Variants in ACTN1 observed in about 807,000 individuals in gnomAD.
The protein encoded by ACTN1 is actinin alpha 1.
In ACTN1, 30 loss-of-function variants were observed where a neutral mutation model predicts 119.6. That is an observed-to-expected ratio of 0.25 (90% CI 0.19 to 0.34). ACTN1 has a LOEUF of 0.34. ACTN1 is among the 10% of genes least tolerant of loss of function. The pLI is 1.00. For synonymous variants in ACTN1, 429 were observed against 472.6 expected, an observed-to-expected ratio of 0.91 and a Z score of 1.20; for missense variants, 764 against 1,223.4, an observed-to-expected ratio of 0.62 and a Z score of 5.60.
At chr14:68,928,175 G>A (rs942074821) in intron 1 of ACTN1, among the ~76,000 whole-genome samples, 1 of 152,192 alleles carries the variant, frequency 6.6e-6, no homozygotes, top group Admixed American at 6.5e-5. Flanking sequence ...AGGGGGTTGG[G>A]ATGAGATAAA....
intron 1 of ACTN1, among the ~76,000 whole-genome samples, chr14:68,943,320 C>G (rs2035826910): frequency 6.6e-6 from 1 of 152,222 alleles, no homozygotes; most frequent in South Asian, 2.1e-4. Context: ...GCAAGCAGAT[C>G]TGTCCACCTC....
At chr14:68,911,054 G>C (rs2033978395) in intron 4 of ACTN1, among the ~76,000 whole-genome samples, 1 of 152,180 alleles carries the variant, frequency 6.6e-6, no homozygotes, top group African/African-American at 2.4e-5. Flanking sequence ...CTGTGAATTG[G>C]AGGTTAAGGT....
intron 1 of ACTN1, chr14:68,974,107 G>GA (rs1185483822): frequency 6.5e-6 from 1 of 152,738 alleles, no homozygotes; most frequent in East Asian, 1.9e-4. Context: ...CCAAGTCCAG[G>GA]AAAACCACAG....
chr14:68,928,654 CT>C (rs1400205087), intron 1 of ACTN1, among the ~76,000 whole-genome samples: 2 of 152,160 alleles, frequency 1.3e-5, no homozygotes, highest in African/African-American at 2.4e-5. Context: ...AAAAGATTAA[CT>C]CAAAAACATC....
intron 11 of ACTN1, chr14:68,887,716 AT>A (rs2032134399): frequency 7.2e-7 from 1 of 1,384,474 alleles, no homozygotes; most frequent in South Asian, 1.2e-5. Context: ...AAAATAGTTG[AT>A]AAAAAATATT....
intron 1 of ACTN1, among the ~76,000 whole-genome samples, chr14:68,944,789 G>A (rs1394461107): frequency 3.3e-5 from 5 of 152,102 alleles, no homozygotes; most frequent in Non-Finnish European, 4.4e-5. Flanking sequence ...TCCAAACCAA[G>A]GCACCAGGGG....
intron 1 of ACTN1, among the ~76,000 whole-genome samples, chr14:68,935,209 A>C (rs2140454090): frequency 6.6e-6 from 1 of 151,068 alleles, no homozygotes. Context: ...TTTTTAGTAG[A>C]GATGGGGTTT....
intron 6 of ACTN1, among the ~76,000 whole-genome samples, chr14:68,905,151 T>C (rs954530520): frequency 6.6e-6 from 1 of 152,100 alleles, no homozygotes; most frequent in African/African-American, 2.4e-5. Context: ...ACTCAAGAGT[T>C]GGGGTAGGGA....
chr14:68,959,202 A>G (rs1340515280), intron 1 of ACTN1, among the ~76,000 whole-genome samples: 1 of 152,186 alleles, frequency 6.6e-6, no homozygotes, highest in African/African-American at 2.4e-5. Flanking sequence ...AGAGTATCTC[A>G]AAGGACTTGT....
At chr14:68,944,292 G>C (rs2035859052) in intron 1 of ACTN1, among the ~76,000 whole-genome samples, 1 of 152,268 alleles carries the variant, frequency 6.6e-6, no homozygotes, top group Admixed American at 6.5e-5. Flanking sequence ...ATGTGTGCCA[G>C]AGTGTGGGCA....
At chr14:68,935,511 G>A (rs1213441472) in intron 1 of ACTN1, among the ~76,000 whole-genome samples, 2 of 149,224 alleles carry the variant, frequency 1.3e-5, no homozygotes, top group East Asian at 4.0e-4. Flanking sequence ...TCAGCCTCCT[G>A]AGTTGCTGGG....
In ACTN1 at chr14:68,874,988, G is replaced by T. The variant is rs2030704497; in HGVS notation, c.2616C>A (p.Arg872=). Residue 872 remains arginine, a synonymous_variant, in exon 22 of 22, where the codon CGC becomes CGA. Coordinates refer to ENST00000394419, the MANE Select transcript of ACTN1 (RefSeq NM_001130004.2). Reference sequence around the variant, plus strand: ...ACTCAGCCTGGTCGGGTGGCAGCTCGCGGCGCAGCTCGTCCATGGTAATGT... The same window carrying T: ...ACTCAGCCTGGTCGGGTGGCAGCTCTCGGCGCAGCTCGTCCATGGTAATGT... ...KNYITMDELR[R]ELPPDQAEYC... The T allele has an allele frequency of 1.2e-6, 2 of 1,613,692 alleles. No individual in the cohort carries two copies. The highest frequency in any genetic ancestry group is 4.5e-5 in the East Asian group (2 of 44,876).
At chr14:68,904,593 T>C in intron 7 of ACTN1, 62 bp downstream of exon 7, 1 of 1,520,550 alleles carries the variant, frequency 6.6e-7, no homozygotes, top group Non-Finnish European at 9.1e-7. Context: ...GTCCACCCCT[T>C]CTTAGCCGCT....
chr14:68,918,173 A>ACAG (rs200809636), intron 3 of ACTN1, among the ~76,000 whole-genome samples: 3,365 of 152,348 alleles, frequency 0.022, 46 homozygotes, highest in Middle Eastern at 0.085. Flanking sequence ...CCTTCCCAGC[A>ACAG]CAGCAGCAGC....
Position 68,925,419 on chromosome 14 carries a change from T to C in ACTN1, c.220+139A>G, listed in dbSNP as rs2034873841. On this transcript the variant is annotated intron_variant, in intron 2 of 21. Transcript: ENST00000394419. This position sits in a 1 kb window ranked among gnomAD's most constrained non-coding sequence, Gnocchi z 4.3. ...GCAGAACCAGAACTCAGACCCACGC[T>C]CCTAGGATGAATTCATACATGTCAT... 1 of 422,724 alleles carries C rather than the reference T, an allele frequency of 2.4e-6. No homozygotes were observed. Among genetic ancestry groups the C allele is most frequent in the South Asian group, 3.5e-5 (1 of 28,704 alleles). 26.2% of individuals were successfully genotyped at this position (422,724 alleles called of 1,614,324 possible). A position where few individuals can be genotyped will look rare whatever the true frequency, so the allele number is the denominator to read the frequency against.
chr14:68,936,500 C>CTTT, intron 1 of ACTN1: 11 of 249,440 alleles, frequency 4.4e-5, no homozygotes, highest in South Asian at 1.3e-4. Context: ...CTGTCATTAC[C>CTTT]TTTTTTTTTT....
chr14:68,918,512 G>A (rs1594812519), intron 3 of ACTN1, among the ~76,000 whole-genome samples: 1 of 172 alleles, frequency 5.8e-3, no homozygotes, highest in South Asian at 0.25. Context: ...CGTCAAACTG[G>A]GAGGCGGACT....
intron 7 of ACTN1, among the ~76,000 whole-genome samples, chr14:68,903,977 A>T (rs919895305): frequency 6.6e-6 from 1 of 152,162 alleles, no homozygotes; most frequent in African/African-American, 2.4e-5. Context: ...CCTGGCTAGC[A>T]GCATCTGGGA....
Position 68,951,854 on chromosome 14 carries a change from T to C in ACTN1, c.106-26182A>G, listed in dbSNP as rs138852636. Among the ~76,000 whole-genome samples, 11 of 152,290 alleles carry C rather than the reference T, an allele frequency of 7.2e-5. No homozygotes were observed. The East Asian group carries it at 1.5e-3, about 21-fold the overall frequency. The stretch of plus-strand genomic sequence containing the variant: ...ATTCACTCATTCATTCGTTCGTTCA[T>C]TCATTCAAGATTTTCTAAACTCTTA... On this transcript the variant is annotated intron_variant, in intron 1 of 21. Transcript: ENST00000394419.
Sources: allele counts gnomAD v4.1 joint callset (sites outside exome capture counted in the v4.1 genomes callset), GRCh38; gene constraint gnomAD v4.1.1; non-coding constraint Gnocchi (gnomAD v3.1); transcripts MANE v1.5; gene names NCBI Gene and HGNC (gene_info 2026-07-23, HGNC 2026-07-21).